NXPH1: variants seen among roughly 807,000 people sequenced by gnomAD.
The protein encoded by NXPH1 is neurexophilin-1.
In NXPH1, 5 loss-of-function variants were observed where a neutral mutation model predicts 23.7. The ratio of observed to expected loss-of-function variants is 0.21; its 90% CI spans 0.11 to 0.44. The LOEUF is 0.44. NXPH1 is among the 20% of genes least tolerant of loss of function. The probability of loss-of-function intolerance (pLI) is 0.99; values close to 1 mark genes in which losing one functional copy is unlikely to be tolerated. For synonymous variants in NXPH1, 144 were observed against 122.2 expected (o/e 1.18, Z -1.18); for missense variants, 324 against 321.6 (o/e 1.01, Z -0.06).
chr7:8,489,747 A>G (rs1202819131), intron 2 of NXPH1, among the ~76,000 whole-genome samples: 2 of 152,080 alleles, frequency 1.3e-5, no homozygotes, highest in African/African-American at 4.8e-5. Context: ...TGTTGAAAGG[A>G]CCTGCCTTAA....
intron 2 of NXPH1, among the ~76,000 whole-genome samples, chr7:8,462,589 T>G (rs1816714518): frequency 1.3e-5 from 2 of 152,228 alleles, no homozygotes; most frequent in Non-Finnish European, 2.9e-5. Context: ...AGACTGCTCT[T>G]AACTGCTAAG....
rs4141310 is a variant in NXPH1 at position 8,589,438 on chromosome 7, G to A, written c.54+153671G>A. Among the ~76,000 whole-genome samples the A allele has an allele frequency of 0.011, 1,607 of 152,214 alleles. 86 individuals carry two copies. In the East Asian group the frequency reaches 0.14, roughly 13 times the overall value. On this transcript the variant is annotated intron_variant, in intron 2 of 2. Transcript: ENST00000405863. ...TAAGTATGCACACCAGCAAACAGGA[G>A]AAGATAGCTGAGAACTATGTGGATG... is the stretch of plus-strand genomic sequence containing the variant.
intron 2 of NXPH1, among the ~76,000 whole-genome samples, chr7:8,459,270 T>C (rs943259227): frequency 3.9e-5 from 6 of 152,276 alleles, no homozygotes; most frequent in South Asian, 2.1e-4. Flanking sequence ...AGAAGGATGA[T>C]TAATTTTATC....
intron 2 of NXPH1, among the ~76,000 whole-genome samples, chr7:8,537,104 A>G (rs1013473673): frequency 2.6e-5 from 4 of 151,944 alleles, no homozygotes; most frequent in South Asian, 2.1e-4. Flanking sequence ...CCTTCTCAGC[A>G]TAGCATGCTT....
At chr7:8,521,640 C>T (rs937809978) in intron 2 of NXPH1, among the ~76,000 whole-genome samples, 12 of 152,166 alleles carry the variant, frequency 7.9e-5, no homozygotes, top group Admixed American at 2.0e-4. Context: ...GTGAGAAATA[C>T]ACTTTTGAAG....
chr7:8,734,578 C>T (rs1780215504), intron 2 of NXPH1, among the ~76,000 whole-genome samples: 1 of 151,812 alleles, frequency 6.6e-6, no homozygotes, highest in African/African-American at 2.4e-5. Flanking sequence ...GATTTCCGTT[C>T]TTTTGTATTT....
At chr7:8,685,622 C>T (rs1562454271) in intron 2 of NXPH1, among the ~76,000 whole-genome samples, 1 of 151,916 alleles carries the variant, frequency 6.6e-6, no homozygotes, top group Non-Finnish European at 1.5e-5. Context: ...GGGTATGTAC[C>T]CAGCAGTAGG....
intron 2 of NXPH1, among the ~76,000 whole-genome samples, chr7:8,617,690 G>A (rs1819774849): frequency 6.6e-5 from 10 of 151,978 alleles, no homozygotes; most frequent in Admixed American, 6.6e-4. Context: ...CATAGCAGAG[G>A]TACAAAAAAT....
chr7:8,747,857 T>G (rs185540505), intron 2 of NXPH1, among the ~76,000 whole-genome samples: 6 of 152,362 alleles, frequency 3.9e-5, no homozygotes, highest in Non-Finnish European at 7.3e-5. Flanking sequence ...ATAGCTACTC[T>G]GTGTTACAGA....
chr7:8,705,135 G>C (rs188395102), intron 2 of NXPH1, among the ~76,000 whole-genome samples: 1 of 152,144 alleles, frequency 6.6e-6, no homozygotes. Context: ...AAGCAAGCCA[G>C]GCATGTAGGG....
intron 2 of NXPH1, among the ~76,000 whole-genome samples, chr7:8,627,746 A>T (rs1820024981): frequency 6.6e-6 from 1 of 152,182 alleles, no homozygotes; most frequent in African/African-American, 2.4e-5. Context: ...TAAAAAAAAT[A>T]ACCATTTTAA....
intron 2 of NXPH1, among the ~76,000 whole-genome samples, chr7:8,580,733 A>G (rs1317401177): frequency 8.2e-6 from 1 of 122,430 alleles, no homozygotes; most frequent in African/African-American, 4.2e-5. Flanking sequence ...TGTGTTGGTC[A>G]CTTTTTTTTT....
At chr7:8,683,138 G>A (rs184869764) in intron 2 of NXPH1, among the ~76,000 whole-genome samples, 2 of 152,300 alleles carry the variant, frequency 1.3e-5, no homozygotes, top group Non-Finnish European at 2.9e-5. Context: ...TATCCAGGTC[G>A]AAGGTGAAGT....
chr7:8,592,286 T>G (rs1819115181), intron 2 of NXPH1, among the ~76,000 whole-genome samples: 1 of 152,026 alleles, frequency 6.6e-6, no homozygotes, highest in South Asian at 2.1e-4. Flanking sequence ...AGTCACCATC[T>G]GTTCAAATGT....
intron 2 of NXPH1, among the ~76,000 whole-genome samples, chr7:8,727,184 G>C (rs1780071116): frequency 7.4e-6 from 1 of 135,200 alleles, no homozygotes; most frequent in African/African-American, 3.1e-5. Flanking sequence ...TGATGGGGTT[G>C]TTTGTTTTTT....
At chr7:8,663,351 C>A (rs1379105668) in intron 2 of NXPH1, among the ~76,000 whole-genome samples, 1 of 152,118 alleles carries the variant, frequency 6.6e-6, no homozygotes, top group Middle Eastern at 3.4e-3. Context: ...ACTATGGGCC[C>A]CATCATCCTT....
intron 2 of NXPH1, among the ~76,000 whole-genome samples, chr7:8,616,718 T>A (rs1008150120): frequency 4.0e-5 from 6 of 151,742 alleles, no homozygotes; most frequent in Non-Finnish European, 8.8e-5. Flanking sequence ...TAAAAAAAAG[T>A]GTGGAATACT....
chr7:8,505,064 C>G (rs919758141), intron 2 of NXPH1, among the ~76,000 whole-genome samples: 3 of 152,016 alleles, frequency 2.0e-5, no homozygotes, highest in Admixed American at 1.3e-4. Flanking sequence ...ATCCTGCACA[C>G]AGTAGGGGAT....
intron 2 of NXPH1, among the ~76,000 whole-genome samples, chr7:8,634,959 CT>C (rs1257219525): frequency 6.7e-6 from 1 of 149,674 alleles, no homozygotes; most frequent in East Asian, 1.9e-4. Flanking sequence ...AGAAATGACT[CT>C]TTTGCTTCTC....
Sources: gnomAD v4.1 joint callset for allele counts (sites outside exome capture counted in the v4.1 genomes callset) on GRCh38, gnomAD v4.1.1 for gene constraint, MANE v1.5 for transcripts, NCBI Gene and HGNC (gene_info 2026-07-23, HGNC 2026-07-21) for gene names.